Variants in MAPK10 observed in about 807,000 individuals in gnomAD.
MAPK10 encodes JNK3 alpha protein kinase.
Under a neutral mutation model 59.3 loss-of-function variants are expected in MAPK10, and 25 were observed. That is an observed-to-expected ratio of 0.42 (90% CI 0.31 to 0.59). MAPK10 has a LOEUF of 0.59. Among genes scored for constraint, MAPK10 ranks in the 20% least tolerant of loss-of-function variants. The pLI, the probability that MAPK10 is intolerant of heterozygous loss-of-function variation, is 0.15. For missense variants in MAPK10, 351 were observed against 568.9 expected (o/e 0.62, Z 3.90); for synonymous variants, 190 against 200.5 (o/e 0.95, Z 0.44).
At chr4:86,169,213 A>AG (rs2073120524) in intron 3 of MAPK10, among the ~76,000 whole-genome samples, 1 of 152,276 alleles carries the variant, frequency 6.6e-6, no homozygotes, top group Non-Finnish European at 1.5e-5. Flanking sequence ...AGCTGGACAG[A>AG]GAATGACTTT....
At chr4:86,244,556 C>A (rs1384105568) in intron 2 of MAPK10, among the ~76,000 whole-genome samples, 1 of 152,174 alleles carries the variant, frequency 6.6e-6, no homozygotes, top group Non-Finnish European at 1.5e-5. Context: ...TTAATAATAG[C>A]ATCCTTCAGC....
At chr4:86,084,338 G>C (rs1201338574) in intron 9 of MAPK10, among the ~76,000 whole-genome samples, 1 of 152,170 alleles carries the variant, frequency 6.6e-6, no homozygotes, top group Non-Finnish European at 1.5e-5. Flanking sequence ...CAGATGATAT[G>C]ATGTTATGCT....
Position 86,172,090 on chromosome 4 carries a change from A to C in MAPK10, c.67-12623T>G, listed in dbSNP as rs1223915427. On this transcript the variant is annotated intron_variant, in intron 3 of 13. Transcript: ENST00000641462. The stretch of plus-strand genomic sequence containing the variant: ...CAGGAAACAACAGGTGCTGGAGAGG[A>C]TGTGCAGAAATAGGAACACTTTTAC... Among the ~76,000 whole-genome samples the C allele has an allele frequency of 2.2e-5, 3 of 135,272 alleles. 1 individual carries two copies. The highest frequency in any genetic ancestry group is 1.1e-4 in the African/African-American group (3 of 28,110). The allele number at this position is 135,272 out of a possible 152,430, so 88.7% of individuals were successfully genotyped here. A position where few individuals can be genotyped will look rare whatever the true frequency, so the allele number is the denominator to read the frequency against.
At chr4:86,423,793 A>ATATATATATATATATATT (rs1564842450) in intron 1 of MAPK10, among the ~76,000 whole-genome samples, 1 of 146,288 alleles carries the variant, frequency 6.8e-6, no homozygotes, top group African/African-American at 2.5e-5. Context: ...ATATATATAT[A>ATATATATATATATATATT]TATGTTTAGG....
chr4:86,525,151 G>T (rs1339747140), intron 1 of MAPK10, among the ~76,000 whole-genome samples: 1 of 151,966 alleles, frequency 6.6e-6, no homozygotes, highest in Non-Finnish European at 1.5e-5. Context: ...CAAAAAATTA[G>T]CCAGGAGTGG....
At chr4:86,476,210 C>T (rs1454769772) in intron 1 of MAPK10, among the ~76,000 whole-genome samples, 2 of 152,134 alleles carry the variant, frequency 1.3e-5, no homozygotes, top group South Asian at 4.2e-4. Context: ...TTTCTACAGA[C>T]CCATCTGACC....
intron 1 of MAPK10, among the ~76,000 whole-genome samples, chr4:86,508,151 C>T (rs1755947620): frequency 6.6e-6 from 1 of 152,066 alleles, no homozygotes; most frequent in Admixed American, 6.6e-5. Flanking sequence ...AAAAAAATAT[C>T]ATTTTCTTTT....
At chr4:86,237,018 G>A (rs1214164147) in intron 2 of MAPK10, among the ~76,000 whole-genome samples, 3 of 152,006 alleles carry the variant, frequency 2.0e-5, no homozygotes, top group Non-Finnish European at 2.9e-5. Context: ...AGGCCATAGT[G>A]TGTGTTGTTC....
chr4:86,522,624 G>C (rs962840492), intron 1 of MAPK10, among the ~76,000 whole-genome samples: 1 of 151,896 alleles, frequency 6.6e-6, no homozygotes, highest in Non-Finnish European at 1.5e-5. Flanking sequence ...CTCTTATTTC[G>C]TTGGTTCTGG....
intron 2 of MAPK10, among the ~76,000 whole-genome samples, chr4:86,299,733 T>G (rs961323685): frequency 1.3e-5 from 2 of 152,190 alleles, no homozygotes; most frequent in Non-Finnish European, 2.9e-5. Flanking sequence ...TATATTATGC[T>G]ATTTACAAAG....
chr4:86,174,469 G>C (rs530099584), intron 3 of MAPK10, among the ~76,000 whole-genome samples: 1 of 152,130 alleles, frequency 6.6e-6, no homozygotes, highest in Non-Finnish European at 1.5e-5. Context: ...ACCTGTCAGG[G>C]GGGTGGTGGA....
chr4:86,064,420 T>C, intron 10 of MAPK10, 30 bp from the exon 11 acceptor site: 1 of 1,612,000 alleles, frequency 6.2e-7, no homozygotes, highest in East Asian at 2.2e-5. Context: ...AAACAATTAG[T>C]AAGATTTTGA....
intron 8 of MAPK10, 36 bp downstream of exon 8, chr4:86,101,016 C>A: frequency 6.3e-7 from 1 of 1,599,552 alleles, no homozygotes; most frequent in South Asian, 1.1e-5. Flanking sequence ...CCGTTTCATT[C>A]ATGGTTTTGA....
intron 10 of MAPK10, chr4:86,064,855 T>G (rs1331919602): frequency 6.5e-6 from 1 of 152,998 alleles, no homozygotes; most frequent in Non-Finnish European, 1.5e-5. Flanking sequence ...TAAATTGACT[T>G]AAGAGTTTGT....
chr4:86,178,660 A>G (rs551643948), intron 3 of MAPK10, among the ~76,000 whole-genome samples: 3 of 152,166 alleles, frequency 2.0e-5, no homozygotes, highest in African/African-American at 4.8e-5. Context: ...ATTATTCAAC[A>G]TAGTACTGGA....
intron 2 of MAPK10, among the ~76,000 whole-genome samples, chr4:86,296,152 A>G (rs1208930350): frequency 4.1e-5 from 6 of 147,920 alleles, no homozygotes; most frequent in Non-Finnish European, 7.4e-5. Flanking sequence ...CTCCAGCCTG[A>G]GTGACAGAGT....
Position 86,471,701 on chromosome 4 carries a change from T to C in MAPK10, c.-262-117057A>G, listed in dbSNP as rs138720047. Among the ~76,000 whole-genome samples, 136 of 152,358 alleles carry C rather than the reference T, an allele frequency of 8.9e-4. 3 individuals carry two copies. The East Asian group carries it at 0.018, about 20-fold the overall frequency. On this transcript the variant is annotated intron_variant, in intron 1 of 4. Transcript: ENST00000502302. Reference sequence around the variant, plus strand: ...GCATGCTGAAACATAGTTGGCTTAATTAAAATGCCTGAAAGATATTTTTTG... The same window carrying C: ...GCATGCTGAAACATAGTTGGCTTAACTAAAATGCCTGAAAGATATTTTTTG...
At chr4:86,174,582 G>C (rs1308143828) in intron 3 of MAPK10, among the ~76,000 whole-genome samples, 2 of 152,144 alleles carry the variant, frequency 1.3e-5, no homozygotes, top group Non-Finnish European at 2.9e-5. Flanking sequence ...TGCACTTTCT[G>C]CAAATGTATC....
At chr4:86,212,711 G>T (rs1172123217) in intron 2 of MAPK10, among the ~76,000 whole-genome samples, 2 of 152,008 alleles carry the variant, frequency 1.3e-5, no homozygotes, top group Non-Finnish European at 2.9e-5. Flanking sequence ...CCTAATAATA[G>T]ACCATCAAAA....
Sources: allele counts gnomAD v4.1 joint callset (sites outside exome capture counted in the v4.1 genomes callset), GRCh38; gene constraint gnomAD v4.1.1; transcripts MANE v1.5; gene names NCBI Gene and HGNC (gene_info 2026-07-23, HGNC 2026-07-21).